CLEC4A: variants seen among roughly 807,000 people sequenced by gnomAD.
The protein encoded by CLEC4A is C-type lectin domain family 4 member A, also known as C-type (calcium dependent, carbohydrate-recognition domain) lectin, superfamily member 6.
A neutral mutation model predicts 32.7 loss-of-function variants in CLEC4A; 27 were observed. The observed-to-expected ratio is 0.83, with a 90% CI of 0.61 to 1.14. The LOEUF (loss-of-function observed/expected upper bound fraction) is 1.14. Ranked by LOEUF, CLEC4A falls within the 50% of genes most tolerant of loss-of-function variation. The pLI is 0.00. For missense variants in CLEC4A, 253 were observed against 274.6 expected (o/e 0.92, Z 0.55); for synonymous variants, 89 against 93.7 (o/e 0.95, Z 0.29).
chr12:8,109,955 G>A, the CLEC4A span, among the ~76,000 whole-genome samples: 2 of 152,150 alleles, frequency 1.3e-5, no homozygotes, highest in South Asian at 4.1e-4. Flanking sequence ...GAAACGGGGA[G>A]TAAGGGATGA....
the CLEC4A span, among the ~76,000 whole-genome samples, chr12:8,112,337 G>A: frequency 6.6e-6 from 1 of 152,120 alleles, no homozygotes. Flanking sequence ...AGTGAGCATA[G>A]TATCCAGTAA....
At chr12:8,107,810 A>G in the CLEC4A span, among the ~76,000 whole-genome samples, 1 of 135,664 alleles carries the variant, frequency 7.4e-6, no homozygotes, top group Non-Finnish European at 1.6e-5. Flanking sequence ...CTAGTGGTCT[A>G]TTAATCTTTG....
chr12:8,135,036 A>T (rs1483938007), intron 3 of CLEC4A, among the ~76,000 whole-genome samples: 1 of 13,898 alleles, frequency 7.2e-5, no homozygotes, highest in Non-Finnish European at 1.7e-4. Context: ...TAATTCTAAC[A>T]ATTTTATTAT....
the CLEC4A span, among the ~76,000 whole-genome samples, chr12:8,115,516 A>G: frequency 2.0e-5 from 3 of 152,242 alleles, no homozygotes; most frequent in African/African-American, 7.2e-5. Context: ...AGGGTACTGT[A>G]TTGTCCTGCT....
At chr12:8,106,389 A>G in the CLEC4A span, among the ~76,000 whole-genome samples, 1 of 152,198 alleles carries the variant, frequency 6.6e-6, no homozygotes, top group Non-Finnish European at 1.5e-5. Flanking sequence ...TTGGTTCCAT[A>G]TGAATTTTAG....
rs372579298 is a variant in CLEC4A at position 8,130,825 on chromosome 12, T to G, written c.298+1463T>G. ...AATATAGTATACTTCTTACAACTAA[T>G]CAACTAATATTGGTATATTATTAAT... is the stretch of plus-strand genomic sequence containing the variant. On this transcript the variant is annotated intron_variant, in intron 3 of 5. Coordinates refer to ENST00000229332, the MANE Select transcript of CLEC4A (RefSeq NM_016184.4). 1.1e-4 allele frequency among the ~76,000 whole-genome samples: 16 copies of G among 152,342 alleles called. No homozygotes were observed. In the South Asian group the frequency reaches 2.9e-3, roughly 28 times the overall value.
intron 3 of CLEC4A, chr12:8,134,545 C>T: frequency 6.2e-7 from 1 of 1,613,750 alleles, no homozygotes; most frequent in Non-Finnish European, 8.5e-7. Context: ...TTGCTCTCCA[C>T]CCCGACTCCT....
the CLEC4A span, among the ~76,000 whole-genome samples, chr12:8,115,560 A>T: frequency 1.3e-5 from 2 of 152,186 alleles, no homozygotes; most frequent in Non-Finnish European, 2.9e-5. Context: ...TCATCAATGG[A>T]GTGAACCAGC....
intron 5 of CLEC4A, 75 bp downstream of exon 5, chr12:8,136,978 T>C: frequency 1.1e-6 from 1 of 951,882 alleles, no homozygotes; most frequent in Non-Finnish European, 1.6e-6. Flanking sequence ...AGCTATCAGC[T>C]ATAAAAGTAA....
intron 2 of CLEC4A, 56 bp downstream of exon 2, chr12:8,125,733 T>A: frequency 9.4e-7 from 1 of 1,060,684 alleles, no homozygotes; most frequent in South Asian, 1.4e-5. Flanking sequence ...ACAGAGGGTA[T>A]CCTTTAAAAA....
chr12:8,134,304 T>C, intron 3 of CLEC4A: 4 of 1,612,170 alleles, frequency 2.5e-6, no homozygotes. Flanking sequence ...AAGCGGCAGA[T>C]GGTCGTTTGG....
the CLEC4A span, among the ~76,000 whole-genome samples, chr12:8,106,264 A>C: frequency 6.6e-6 from 1 of 152,182 alleles, no homozygotes; most frequent in South Asian, 2.1e-4. Flanking sequence ...TTTTTGTACC[A>C]GTACCATGCT....
the CLEC4A span, among the ~76,000 whole-genome samples, chr12:8,107,806 G>T: frequency 6.7e-6 from 1 of 150,160 alleles, no homozygotes; most frequent in South Asian, 2.1e-4. Context: ...CTAGCTAGTG[G>T]TCTATTAATC....
At chr12:8,128,246 G>T (rs59919190) in intron 2 of CLEC4A, among the ~76,000 whole-genome samples, 5,878 of 152,138 alleles carry the variant, frequency 0.039, 397 homozygotes, top group African/African-American at 0.13. Flanking sequence ...GGCAACTGGG[G>T]TCAAGCCTTT....
upstream of CLEC4A, among the ~76,000 whole-genome samples, chr12:8,120,124 T>C (rs11043439): frequency 0.6 from 91,271 of 151,984 alleles, 28,161 homozygotes; most frequent in Non-Finnish European, 0.69. Flanking sequence ...GTATTGCCAA[T>C]CAGGGGAGCT....
chr12:8,111,024 C>T, the CLEC4A span, among the ~76,000 whole-genome samples: 1 of 151,978 alleles, frequency 6.6e-6, no homozygotes, highest in African/African-American at 2.4e-5. Context: ...CAGGTGCCCA[C>T]CACCATGCCT....
At chr12:8,117,969 A>T in the CLEC4A span, among the ~76,000 whole-genome samples, 1 of 152,070 alleles carries the variant, frequency 6.6e-6, no homozygotes, top group Non-Finnish European at 1.5e-5. Context: ...ACAAAACACA[A>T]ATCACAGGAG....
intron 3 of CLEC4A, among the ~76,000 whole-genome samples, chr12:8,130,454 C>T (rs1947979040): frequency 6.6e-6 from 1 of 152,156 alleles, no homozygotes; most frequent in Non-Finnish European, 1.5e-5. Context: ...CTCACAGTAG[C>T]CTTGATCTCC....
chr12:8,116,193 C>T, the CLEC4A span, among the ~76,000 whole-genome samples: 1 of 152,108 alleles, frequency 6.6e-6, no homozygotes, highest in African/African-American at 2.4e-5. Flanking sequence ...AACTCCTGAC[C>T]TCAAATGACC....
Sources: allele counts gnomAD v4.1 joint callset (sites outside exome capture counted in the v4.1 genomes callset), GRCh38; gene constraint gnomAD v4.1.1; transcripts MANE v1.5; gene names NCBI Gene and HGNC (gene_info 2026-07-23, HGNC 2026-07-21).